Variants in PPARGC1A observed in about 807,000 individuals in gnomAD.
PPARGC1A encodes PPARG coactivator 1 alpha, also known as peroxisome proliferator-activated receptor gamma coactivator 1-alpha.
In PPARGC1A, 25 loss-of-function variants were observed where a neutral mutation model predicts 88.7. The observed-to-expected ratio is 0.28, with a 90% confidence interval of 0.21 to 0.39. PPARGC1A has a LOEUF of 0.39. Ranked by LOEUF, PPARGC1A falls within the 10% of genes least tolerant of loss-of-function variation. The probability of loss-of-function intolerance (pLI) is 1.00; values close to 1 mark genes in which losing one functional copy is unlikely to be tolerated. For missense variants in PPARGC1A, 880 were observed against 968.7 expected, an observed-to-expected ratio of 0.91 and a Z score of 1.22; for synonymous variants, 363 against 355.6, an observed-to-expected ratio of 1.02 and a Z score of -0.24.
At chr4:23,974,696 G>C in the PPARGC1A span, among the ~76,000 whole-genome samples, 4 of 150,554 alleles carry the variant, frequency 2.7e-5, no homozygotes, top group South Asian at 8.4e-4. Flanking sequence ...GCAGTGGCGT[G>C]ATCTCCGGTC....
chr4:23,847,765 T>A (rs1462298858), intron 2 of PPARGC1A, among the ~76,000 whole-genome samples: 1 of 152,208 alleles, frequency 6.6e-6, no homozygotes, highest in African/African-American at 2.4e-5. Flanking sequence ...GTCCATGATC[T>A]ATGCATGGAT....
chr4:24,314,979 T>C, the PPARGC1A span, among the ~76,000 whole-genome samples: 1 of 151,812 alleles, frequency 6.6e-6, no homozygotes, highest in Non-Finnish European at 1.5e-5. Flanking sequence ...CCAGTAAAGT[T>C]TGGCTCCATT....
chr4:24,179,914 G>T, the PPARGC1A span, among the ~76,000 whole-genome samples: 2 of 152,070 alleles, frequency 1.3e-5, no homozygotes, highest in Admixed American at 6.6e-5. Flanking sequence ...AAAAACATGG[G>T]ATTATTTGAT....
the PPARGC1A span, among the ~76,000 whole-genome samples, chr4:24,440,449 C>T: frequency 6.6e-6 from 1 of 152,296 alleles, no homozygotes; most frequent in African/African-American, 2.4e-5. Context: ...TGGCAGGCCA[C>T]AGTTGGAAAC....
the PPARGC1A span, among the ~76,000 whole-genome samples, chr4:23,996,750 C>T: frequency 1.3e-5 from 2 of 152,344 alleles, no homozygotes; most frequent in African/African-American, 2.4e-5. Flanking sequence ...CACAACTACT[C>T]AACTCTGCCA....
chr4:24,084,703 A>T, the PPARGC1A span, among the ~76,000 whole-genome samples: 1 of 152,246 alleles, frequency 6.6e-6, no homozygotes, highest in African/African-American at 2.4e-5. Context: ...ATTTGAATCT[A>T]AGAAATACAT....
the PPARGC1A span, among the ~76,000 whole-genome samples, chr4:24,012,690 G>T: frequency 6.6e-6 from 1 of 152,048 alleles, no homozygotes; most frequent in African/African-American, 2.4e-5. Flanking sequence ...AAAACCTTAG[G>T]AAATCTTTAC....
At chr4:24,031,701 C>T in the PPARGC1A span, among the ~76,000 whole-genome samples, 1 of 152,154 alleles carries the variant, frequency 6.6e-6, no homozygotes, top group Non-Finnish European at 1.5e-5. Context: ...CACCCCACCC[C>T]TAAATGTCCC....
the PPARGC1A span, among the ~76,000 whole-genome samples, chr4:24,011,003 T>A: frequency 2.6e-5 from 4 of 152,086 alleles, no homozygotes; most frequent in Non-Finnish European, 5.9e-5. Flanking sequence ...TGAGGGGTAG[T>A]GGGTTTCTCT....
the PPARGC1A span, among the ~76,000 whole-genome samples, chr4:24,386,058 T>C: frequency 6.6e-6 from 1 of 152,184 alleles, no homozygotes; most frequent in Non-Finnish European, 1.5e-5. Context: ...TCAAGTCAGC[T>C]TCATCCCTGG....
chr4:23,853,816 G>A (rs1220084270), intron 2 of PPARGC1A, among the ~76,000 whole-genome samples: 1 of 152,172 alleles, frequency 6.6e-6, no homozygotes, highest in Non-Finnish European at 1.5e-5. Flanking sequence ...AAGACATCTA[G>A]AGAAGACAAA....
the PPARGC1A span, among the ~76,000 whole-genome samples, chr4:24,398,159 G>A: frequency 6.6e-6 from 1 of 151,956 alleles, no homozygotes; most frequent in Non-Finnish European, 1.5e-5. Flanking sequence ...AACATATATA[G>A]CACAATGATG....
At chr4:24,115,154 C>T in the PPARGC1A span, among the ~76,000 whole-genome samples, 1 of 152,098 alleles carries the variant, frequency 6.6e-6, no homozygotes, top group Non-Finnish European at 1.5e-5. Flanking sequence ...CTTGATATAG[C>T]CTTAGATTCT....
At chr4:23,936,926 C>G in the PPARGC1A span, among the ~76,000 whole-genome samples, 2 of 151,910 alleles carry the variant, frequency 1.3e-5, no homozygotes, top group Admixed American at 1.3e-4. Context: ...ACACAGACTC[C>G]CAGAATGGAG....
chr4:23,796,167 A>G (rs1717562829), intron 12 of PPARGC1A, among the ~76,000 whole-genome samples: 1 of 152,106 alleles, frequency 6.6e-6, no homozygotes, highest in African/African-American at 2.4e-5. Context: ...TAGGCAGAGC[A>G]CACGTTAATA....
At chr4:24,443,035 TC>T in the PPARGC1A span, among the ~76,000 whole-genome samples, 3 of 152,188 alleles carry the variant, frequency 2.0e-5, no homozygotes, top group Non-Finnish European at 4.4e-5. Context: ...GAGCGCCATT[TC>T]CTGTCACCAT....
At chr4:23,834,224 C>T (rs753668352) in intron 2 of PPARGC1A, among the ~76,000 whole-genome samples, 58 of 152,142 alleles carry the variant, frequency 3.8e-4, no homozygotes, top group Admixed American at 8.5e-4. Context: ...GGTGTGAACC[C>T]GGGGGGTGGA....
the PPARGC1A span, among the ~76,000 whole-genome samples, chr4:24,107,027 G>A: frequency 1.3e-5 from 2 of 152,198 alleles, no homozygotes; most frequent in African/African-American, 4.8e-5. Context: ...ATGATAAAAA[G>A]GCCAGGTATA....
intron 2 of PPARGC1A, among the ~76,000 whole-genome samples, chr4:23,840,988 G>C (rs60904972): frequency 0.081 from 12,369 of 152,090 alleles, 589 homozygotes; most frequent in East Asian, 0.19. Flanking sequence ...TACAGCTATA[G>C]AGGGCCTAAT....
Sources: allele counts gnomAD v4.1 joint callset (sites outside exome capture counted in the v4.1 genomes callset), GRCh38; gene constraint gnomAD v4.1.1; transcripts MANE v1.5; gene names NCBI Gene and HGNC (gene_info 2026-07-23, HGNC 2026-07-21).